UBE2U: variants seen among roughly 807,000 people sequenced by gnomAD.
UBE2U encodes the protein ubiquitin-conjugating enzyme E2 U.
A neutral mutation model predicts 41.2 loss-of-function variants in UBE2U; 39 were observed. That is an observed-to-expected ratio of 0.95 (90% CI 0.73 to 1.24). The LOEUF is 1.24. Ranked by LOEUF, UBE2U falls within the 50% of genes most tolerant of loss-of-function variation. The pLI, the probability that UBE2U is intolerant of heterozygous loss-of-function variation, is 0.00. For missense variants in UBE2U, 336 were observed against 363.1 expected, an observed-to-expected ratio of 0.93 and a Z score of 0.61; for synonymous variants, 107 against 117.8, an observed-to-expected ratio of 0.91 and a Z score of 0.60.
chr1:64,254,197 C>T (rs1645056150), intron 8 of UBE2U, among the ~76,000 whole-genome samples: 1 of 152,150 alleles, frequency 6.6e-6, no homozygotes, highest in African/African-American at 2.4e-5. Context: ...TTCAATTTGA[C>T]AACAAGAGCT....
intron 8 of UBE2U, among the ~76,000 whole-genome samples, chr1:64,251,109 CA>C (rs1557743099): frequency 1.3e-5 from 2 of 150,776 alleles, no homozygotes; most frequent in South Asian, 2.1e-4. Flanking sequence ...CCCGCCCCCC[CA>C]AAAAAAGAAA....
intron 7 of UBE2U, 125 bp from the exon 8 acceptor site, chr1:64,241,527 A>C: frequency 4.7e-6 from 3 of 641,450 alleles, no homozygotes; most frequent in Admixed American, 6.5e-5. Flanking sequence ...ATATGACTTG[A>C]ATTATATAGT....
intron 3 of UBE2U, among the ~76,000 whole-genome samples, chr1:64,207,412 G>A (rs1445313628): frequency 6.6e-6 from 1 of 152,208 alleles, no homozygotes; most frequent in Admixed American, 6.5e-5. Context: ...CCAAAATGCT[G>A]GGATTACAGC....
rs183768286 is a variant in UBE2U at position 64,208,969 on chromosome 1, G to A, written c.242-1773G>A. Among the ~76,000 whole-genome samples the A allele has an allele frequency of 2.3e-3, 352 of 152,282 alleles. 1 individual carries two copies. The highest frequency in any genetic ancestry group is 6.8e-3 in the Middle Eastern group (2 of 294). On this transcript the variant is annotated intron_variant, in intron 3 of 9. Transcript: ENST00000371077. ...CCATTTAATAAACACACACATATGG[G>A]TGTGTATACATATATGTGTTTGTGT...
intron 5 of UBE2U, among the ~76,000 whole-genome samples, chr1:64,220,178 G>A (rs898763625): frequency 6.6e-6 from 1 of 152,088 alleles, no homozygotes; most frequent in Non-Finnish European, 1.5e-5. Context: ...GAATTATTCA[G>A]TGAGAACCTG....
At position 64,239,090 on chromosome 1, in the gene UBE2U, G is replaced by GAAGA. The variant is rs1557729590; in HGVS notation, c.596-2561_596-2560insAGAA. Among the ~76,000 whole-genome samples the GAAGA allele has an allele frequency of 1.5e-3, 72 of 48,152 alleles. 2 individuals are homozygous for GAAGA. Among genetic ancestry groups the GAAGA allele is most frequent in the South Asian group, 8.5e-3 (10 of 1,176 alleles). 31.6% of individuals were successfully genotyped at this position (48,152 alleles called of 152,430 possible). ...AGAGGAAGAGGAAGAGGAAGAGGAAGAGGAAGAAGAAGAAGAAGAAGAAGA... is the reference window on the plus strand; with the variant it reads ...AGAGGAAGAGGAAGAGGAAGAGGAAGAAGAAGGAAGAAGAAGAAGAAGAAGAAGA... On this transcript the variant is annotated intron_variant, in intron 7 of 9. Transcript: ENST00000371077.
intron 5 of UBE2U, among the ~76,000 whole-genome samples, chr1:64,219,014 C>T (rs1245499290): frequency 6.6e-6 from 1 of 152,136 alleles, no homozygotes; most frequent in Non-Finnish European, 1.5e-5. Flanking sequence ...TTTTTGGTGC[C>T]TGCTGGGTTG....
intron 6 of UBE2U, among the ~76,000 whole-genome samples, chr1:64,229,706 T>C (rs537136629): frequency 3.3e-5 from 5 of 152,352 alleles, no homozygotes; most frequent in Admixed American, 2.0e-4. Context: ...GTTGCTTCCT[T>C]GAAATAGCAC....
intron 8 of UBE2U, among the ~76,000 whole-genome samples, chr1:64,244,715 C>T (rs1275267263): frequency 6.6e-6 from 1 of 152,128 alleles, no homozygotes; most frequent in Non-Finnish European, 1.5e-5. Flanking sequence ...CCCATCCTCT[C>T]TCTCCATATT....
At chr1:64,209,615 T>C (rs1651538966) in intron 3 of UBE2U, among the ~76,000 whole-genome samples, 1 of 152,184 alleles carries the variant, frequency 6.6e-6, no homozygotes, top group Admixed American at 6.6e-5. Context: ...AATACTTTGA[T>C]CTATTTTATA....
chr1:64,239,122 A>G (rs1016461160), intron 7 of UBE2U, among the ~76,000 whole-genome samples: 714 of 23,080 alleles, frequency 0.031, 5 homozygotes, highest in South Asian at 0.039. Context: ...AAGAAGAAGA[A>G]GAAGAAGAAG....
At chr1:64,207,715 G>A (rs1651390096) in intron 3 of UBE2U, among the ~76,000 whole-genome samples, 1 of 152,144 alleles carries the variant, frequency 6.6e-6, no homozygotes, top group African/African-American at 2.4e-5. Context: ...TGGAAAAGAA[G>A]GAAATCTAAT....
chr1:64,226,205 C>T (rs1207527438), intron 6 of UBE2U, among the ~76,000 whole-genome samples: 1 of 152,038 alleles, frequency 6.6e-6, no homozygotes, highest in Non-Finnish European at 1.5e-5. Context: ...ATTATTGATA[C>T]ATGCAACAAT....
rs184987827 is a variant in UBE2U, at chr1:64,247,264, T to G, written c.677+5531T>G. 3.0e-3 allele frequency among the ~76,000 whole-genome samples: 457 copies of G among 152,318 alleles called. 1 individual carries two copies. Among genetic ancestry groups the G allele is most frequent in the African/African-American group, 0.01 (425 of 41,578 alleles). ...GCCTCAAAAAGTTACCATGGATTTCTGGTTGTAGCACAAAATCCAGTGGAA... is the reference window on the plus strand; with the variant it reads ...GCCTCAAAAAGTTACCATGGATTTCGGGTTGTAGCACAAAATCCAGTGGAA... On this transcript the variant is annotated intron_variant, in intron 8 of 9. Coordinates refer to ENST00000371077, the MANE Select transcript of UBE2U (RefSeq NM_001366232.2).
chr1:64,267,185 A>G lies in UBE2U; in HGVS notation c.931A>G (p.Asn311Asp), dbSNP rs1372224876. The G allele has an allele frequency of 1.3e-6, 2 of 1,530,694 alleles. No homozygotes were observed. Among genetic ancestry groups the G allele is most frequent in the Non-Finnish European group, 1.8e-6 (2 of 1,140,434 alleles). 94.8% of individuals were successfully genotyped at this position (1,530,694 alleles called of 1,614,324 possible). Residue 311 changes from asparagine to aspartate, a missense_variant, in exon 10 of 10, where the codon AAT (asparagine) becomes GAT (aspartate). Transcript: ENST00000371077. ...EDLISWTNTL[N>D]TNTSED is the part of the protein sequence containing the mutation. ...TCTGATCTCCTGGACCAATACTCTCAATACAAATACTTCAGAAGATTAAGC... is the reference window on the plus strand; with the variant it reads ...TCTGATCTCCTGGACCAATACTCTCGATACAAATACTTCAGAAGATTAAGC...
chr1:64,225,289 T>C (rs968554659), intron 6 of UBE2U, among the ~76,000 whole-genome samples: 12 of 152,106 alleles, frequency 7.9e-5, no homozygotes, highest in African/African-American at 2.2e-4. Context: ...AGACCCTAAA[T>C]TTAGTATTTG....
chr1:64,235,238 G>T (rs184433608), intron 7 of UBE2U, among the ~76,000 whole-genome samples: 10 of 152,266 alleles, frequency 6.6e-5, no homozygotes. Context: ...TGTTTGTAAA[G>T]GTAATAACTG....
intron 8 of UBE2U, among the ~76,000 whole-genome samples, chr1:64,258,510 C>T (rs1369833200): frequency 1.3e-5 from 2 of 151,454 alleles, no homozygotes; most frequent in African/African-American, 2.4e-5. Context: ...TGTGATGTTC[C>T]CCGCCCCGTG....
intron 5 of UBE2U, among the ~76,000 whole-genome samples, chr1:64,217,097 A>C (rs919176909): frequency 7.9e-5 from 12 of 152,236 alleles, no homozygotes; most frequent in African/African-American, 2.4e-4. Context: ...CCAGTTGGCC[A>C]AACATGAGGA....
Sources: allele counts gnomAD v4.1 joint callset (sites outside exome capture counted in the v4.1 genomes callset), GRCh38; gene constraint gnomAD v4.1.1; transcripts MANE v1.5; gene names NCBI Gene and HGNC (gene_info 2026-07-23, HGNC 2026-07-21).